The following UTP20 variants were observed in gnomAD, a reference collection of about 807,000 sequenced individuals.
The protein encoded by UTP20 is UTP20 small subunit processome component.
UTP20 carries 164 observed loss-of-function variants against 329.5 expected under a neutral mutation model. The ratio of observed to expected loss-of-function variants is 0.50; its 90% confidence interval spans 0.44 to 0.57. The LOEUF is 0.57. UTP20 is among the 20% of genes least tolerant of loss of function. The probability of loss-of-function intolerance (pLI) is 0.00; values close to 1 mark genes in which losing one functional copy is unlikely to be tolerated. For synonymous variants in UTP20, 1,151 were observed against 1,159.3 expected, an observed-to-expected ratio of 0.99 and a Z score of 0.14; for missense variants, 3,055 against 3,284.2, an observed-to-expected ratio of 0.93 and a Z score of 1.71.
Position 101,353,142 on chromosome 12 carries a change from A to C in UTP20, c.5107+13A>C. 1 of 1,530,628 alleles carries C rather than the reference A, an allele frequency of 6.5e-7. No individual in the cohort carries two copies. The highest frequency in any genetic ancestry group is 9.0e-7 in the Non-Finnish European group (1 of 1,110,878). The allele number at this position is 1,530,628 out of a possible 1,614,324, so 94.8% of individuals were successfully genotyped here. A position where few individuals can be genotyped will look rare whatever the true frequency, so the allele number is the denominator to read the frequency against. ...GAGAATGAAGAAAGTAAGTTTCTTA[A>C]ACTTTCTTAAACAAGATTTTCATCT... On this transcript the variant is annotated intron_variant, in intron 40 of 61. Transcript: ENST00000261637.
intron 51 of UTP20, 124 bp downstream of exon 51, chr12:101,371,292 C>G (rs2121030333): frequency 1.4e-6 from 1 of 699,900 alleles, no homozygotes; most frequent in Middle Eastern, 4.5e-4. Context: ...TATGCTGAGA[C>G]TTGGGCGTCC....
intron 49 of UTP20, 58 bp downstream of exon 49, chr12:101,369,949 C>T (rs546609658): frequency 8.4e-6 from 13 of 1,543,104 alleles, no homozygotes; most frequent in East Asian, 4.5e-5. Context: ...TGCAATAGCT[C>T]GTACCTATAA....
chr12:101,301,746 A>AAATCTTTTTTTATTTGTG (rs1872527037), intron 14 of UTP20, among the ~76,000 whole-genome samples: 1 of 152,176 alleles, frequency 6.6e-6, no homozygotes, highest in African/African-American at 2.4e-5. Context: ...ACTTCTTATA[A>AAATCTTTTTTTATTTGTG]ACTTGAAAAA....
chr12:101,299,705 C>A lies in UTP20; in HGVS notation c.1454C>A (p.Thr485Asn), dbSNP rs200955631. The change falls in exon 13 of 62, where the codon ACT (threonine) becomes AAT (asparagine). Residue 485 changes from threonine to asparagine, a missense_variant. Thr to Asn is a moderately conservative substitution (Grantham distance 65). Coordinates refer to ENST00000261637, the MANE Select transcript of UTP20 (RefSeq NM_014503.3). ...MVGFYIKQKK[T>N]RSKGRNEQFP... ...AGATTCTATATAAAGCAGAAGAAGA[C>A]TAGATCCAAGGGAAGAAACGAACAG... is the stretch of plus-strand genomic sequence containing the variant. The A allele has an allele frequency of 4.2e-4, 673 of 1,596,562 alleles. 3 individuals are homozygous for A. Among genetic ancestry groups the A allele is most frequent in the South Asian group, 4.2e-3 (361 of 86,648 alleles).
At chr12:101,360,007 C>T (rs1399657282) in intron 43 of UTP20, among the ~76,000 whole-genome samples, 1 of 152,234 alleles carries the variant, frequency 6.6e-6, no homozygotes, top group Non-Finnish European at 1.5e-5. Flanking sequence ...GACTACATCT[C>T]TGTTCTTGAG....
intron 47 of UTP20, among the ~76,000 whole-genome samples, chr12:101,367,345 C>A (rs1870131448): frequency 1.3e-5 from 2 of 152,062 alleles, no homozygotes; most frequent in Admixed American, 1.3e-4. Flanking sequence ...TAAATCTAAT[C>A]ATTTCCTTTT....
At position 101,302,534 on chromosome 12, in the gene UTP20, C is replaced by G. The variant is rs138606783; in HGVS notation, c.1762C>G (p.Arg588Gly). ...SELLHLVPVE[R>G]VKNLVLTFPL... is the part of the protein sequence containing the mutation. ...ACTTCTTCATTTGGTTCCTGTGGAA[C>G]GTGTGAAGAATTTAGTATTGTAAGT... Residue 588 changes from arginine to glycine, a missense_variant, in exon 15 of 62, where the codon CGT becomes GGT. Transcript: ENST00000261637. 15 of 1,607,448 alleles carry G rather than the reference C, an allele frequency of 9.3e-6. No homozygotes were observed. The South Asian group carries it at 1.7e-4, about 18-fold the overall frequency.
chr12:101,291,666 T>C (rs1209384071), intron 8 of UTP20, 76 bp from the exon 9 acceptor site: 2 of 1,443,494 alleles, frequency 1.4e-6, no homozygotes, highest in Admixed American at 5.0e-5. Flanking sequence ...AGTTGAACTG[T>C]CCCACAGTTT....
intron 30 of UTP20, 58 bp from the exon 31 acceptor site, chr12:101,338,755 G>C: frequency 7.1e-7 from 1 of 1,407,616 alleles, no homozygotes; most frequent in Non-Finnish European, 9.4e-7. Context: ...TGAAGATTTT[G>C]TACAATTATG....
intron 21 of UTP20, among the ~76,000 whole-genome samples, chr12:101,315,638 C>T (rs1299679813): frequency 6.6e-6 from 1 of 152,132 alleles, no homozygotes; most frequent in Non-Finnish European, 1.5e-5. Context: ...CAATGATTTT[C>T]TCTTTTTCAA....
At chr12:101,385,402 G>T (rs1258849044) in intron 60 of UTP20, among the ~76,000 whole-genome samples, 181 bp from the exon 61 acceptor site, 1 of 152,124 alleles carries the variant, frequency 6.6e-6, no homozygotes. Flanking sequence ...TTTTATATCA[G>T]TGTTTAATGT....
At chr12:101,352,221 T>G (rs1869551988) in intron 39 of UTP20, 27 bp downstream of exon 39, 1 of 1,591,184 alleles carries the variant, frequency 6.3e-7, no homozygotes, top group East Asian at 2.2e-5. Flanking sequence ...TATTTTTGTT[T>G]TGTTTTTTAA....
chr12:101,315,796 T>C (rs1197943872), intron 21 of UTP20, among the ~76,000 whole-genome samples: 2 of 152,194 alleles, frequency 1.3e-5, no homozygotes, highest in Admixed American at 1.3e-4. Flanking sequence ...GTTAGTAGCA[T>C]ATAAACTTCA....
At chr12:101,363,511 G>T in intron 44 of UTP20, 65 bp from the exon 45 acceptor site, 1 of 1,444,768 alleles carries the variant, frequency 6.9e-7, no homozygotes, top group South Asian at 1.5e-5. Context: ...TTTTTTCAGT[G>T]ACTGCTTATG....
chr12:101,331,212 C>G (rs1245845869), intron 27 of UTP20, among the ~76,000 whole-genome samples: 3 of 152,098 alleles, frequency 2.0e-5, no homozygotes, highest in Non-Finnish European at 4.4e-5. Flanking sequence ...AATTGGGCAG[C>G]TGGCACTTTA....
intron 37 of UTP20, among the ~76,000 whole-genome samples, 191 bp downstream of exon 37, chr12:101,345,885 C>T (rs1378972762): frequency 3.9e-5 from 6 of 152,136 alleles, no homozygotes; most frequent in Admixed American, 3.9e-4. Context: ...TTGGTGGTAT[C>T]ACAAACCACA....
chr12:101,378,413 C>G (rs539774057), intron 56 of UTP20, among the ~76,000 whole-genome samples: 8 of 152,072 alleles, frequency 5.3e-5, no homozygotes, highest in African/African-American at 1.7e-4. Context: ...TACATACTTA[C>G]ATTACTCACT....
intron 14 of UTP20, among the ~76,000 whole-genome samples, 187 bp downstream of exon 14, chr12:101,300,248 G>A (rs1016483180): frequency 3.9e-5 from 6 of 152,190 alleles, no homozygotes; most frequent in East Asian, 1.9e-4. Flanking sequence ...TGGTGACTGG[G>A]TCACGGTGGC....
At chr12:101,346,412 A>C (rs1482905945) in intron 37 of UTP20, 39 bp from the exon 38 acceptor site, 1 of 1,551,878 alleles carries the variant, frequency 6.4e-7, no homozygotes, top group Non-Finnish European at 8.7e-7. Context: ...TGTAGGTGAG[A>C]TTATTCGGTA....
Sources: gnomAD v4.1 joint callset for allele counts (sites outside exome capture counted in the v4.1 genomes callset) on GRCh38, gnomAD v4.1.1 for gene constraint, MANE v1.5 for transcripts, NCBI Gene and HGNC (gene_info 2026-07-23, HGNC 2026-07-21) for gene names.